Variants in EPHB1 observed in about 807,000 individuals in gnomAD.
The protein encoded by EPHB1 is ephrin type-B receptor 1.
Under a neutral mutation model 94.4 loss-of-function variants are expected in EPHB1, and 30 were observed. The ratio of observed to expected loss-of-function variants is 0.32; its 90% CI spans 0.24 to 0.43. EPHB1 has a LOEUF of 0.43. EPHB1 is among the 20% of genes least tolerant of loss of function. The pLI is 1.00. For synonymous variants in EPHB1, 522 were observed against 489.1 expected (o/e 1.07, Z -0.89); for missense variants, 1,055 against 1,308.3 (o/e 0.81, Z 2.99).
At chr3:135,112,515 A>G (rs997166006) in intron 4 of EPHB1, among the ~76,000 whole-genome samples, 1 of 147,280 alleles carries the variant, frequency 6.8e-6, no homozygotes, top group Non-Finnish European at 1.5e-5. Flanking sequence ...CATTAGGTAT[A>G]TCTCCTAATG....
intron 1 of EPHB1, among the ~76,000 whole-genome samples, chr3:134,913,302 T>G (rs111612319): frequency 6.6e-6 from 1 of 152,178 alleles, no homozygotes; most frequent in Non-Finnish European, 1.5e-5. Flanking sequence ...GGTGCCAGCC[T>G]TTCATGAGAA....
intron 13 of EPHB1, among the ~76,000 whole-genome samples, chr3:135,243,545 C>G (rs1943846086): frequency 6.6e-6 from 1 of 152,140 alleles, no homozygotes; most frequent in African/African-American, 2.4e-5. Context: ...CAGTTTTGCT[C>G]CTCGTGGGAG....
chr3:134,925,091 C>T (rs962883301), intron 1 of EPHB1, among the ~76,000 whole-genome samples: 4 of 152,250 alleles, frequency 2.6e-5, no homozygotes, highest in Admixed American at 6.5e-5. Context: ...TAGGAGCTCA[C>T]AGCAGCATCC....
At chr3:135,004,843 T>A (rs555932262) in intron 3 of EPHB1, among the ~76,000 whole-genome samples, 7 of 152,134 alleles carry the variant, frequency 4.6e-5, no homozygotes, top group Admixed American at 2.6e-4. Flanking sequence ...TATTGGTTAT[T>A]CTAGTTATAT....
At position 135,052,860 on chromosome 3, in the gene EPHB1, C is replaced by CA. The variant is rs1193207059; in HGVS notation, c.806-53557dup. On this transcript the variant is annotated intron_variant, in intron 3 of 15. Transcript: ENST00000398015. Reference sequence around the variant, plus strand: ...TGGGCGACACAGCGAGACTCCGTCTCAAAAAAAAAAAAAAAAAAAAAAAAA... The same window carrying CA: ...TGGGCGACACAGCGAGACTCCGTCTCAAAAAAAAAAAAAAAAAAAAAAAAAA... Among the ~76,000 whole-genome samples, 12 of 12,096 alleles carry CA rather than the reference C, an allele frequency of 9.9e-4. 2 individuals carry two copies. The highest frequency in any genetic ancestry group is 0.014 in the East Asian group (2 of 148). The allele number at this position is 12,096 out of a possible 152,430, so 7.9% of individuals were successfully genotyped here. A position where few individuals can be genotyped will look rare whatever the true frequency, so the allele number is the denominator to read the frequency against.
intron 1 of EPHB1, among the ~76,000 whole-genome samples, chr3:134,857,139 G>C (rs980210287): frequency 4.6e-5 from 7 of 152,342 alleles, no homozygotes; most frequent in African/African-American, 1.7e-4. Context: ...GCCTTGGGGG[G>C]CAGGGAGGTG....
intron 15 of EPHB1, among the ~76,000 whole-genome samples, chr3:135,253,315 A>C (rs1933212382): frequency 6.6e-6 from 1 of 151,180 alleles, no homozygotes; most frequent in Non-Finnish European, 1.5e-5. Flanking sequence ...GGTAATGCCT[A>C]GGTTTTCTTC....
intron 1 of EPHB1, among the ~76,000 whole-genome samples, chr3:134,893,718 G>A (rs1243499463): frequency 2.6e-5 from 4 of 152,196 alleles, no homozygotes; most frequent in Non-Finnish European, 4.4e-5. Context: ...TCAAACCAGG[G>A]CCCCCATTAT....
intron 12 of EPHB1, among the ~76,000 whole-genome samples, chr3:135,220,442 C>CTTCTAAT (rs1000032978): frequency 6.6e-6 from 1 of 152,090 alleles, no homozygotes; most frequent in Non-Finnish European, 1.5e-5. Flanking sequence ...TCCATGTCGA[C>CTTCTAAT]TTCTAATATT....
chr3:134,848,381 G>A (rs2108298674), intron 1 of EPHB1, among the ~76,000 whole-genome samples: 1 of 152,336 alleles, frequency 6.6e-6, no homozygotes, highest in South Asian at 2.1e-4. Flanking sequence ...TATGTTTATA[G>A]TGTTGTTAAT....
intron 3 of EPHB1, among the ~76,000 whole-genome samples, chr3:135,034,178 G>A (rs557156048): frequency 1.2e-4 from 18 of 152,194 alleles, no homozygotes; most frequent in African/African-American, 4.3e-4. Flanking sequence ...AGGCATTTGG[G>A]GACTTTAAAT....
At chr3:135,072,587 T>A (rs977880616) in intron 3 of EPHB1, among the ~76,000 whole-genome samples, 5 of 152,112 alleles carry the variant, frequency 3.3e-5, no homozygotes, top group Admixed American at 1.3e-4. Context: ...ACCACCAGCC[T>A]CACTCCTGCC....
At chr3:134,824,125 C>CTTT (rs373504139) in intron 1 of EPHB1, among the ~76,000 whole-genome samples, 137 of 100,722 alleles carry the variant, frequency 1.4e-3, no homozygotes, top group Non-Finnish European at 1.9e-3. Context: ...GGATAATGCC[C>CTTT]TTTTTTTTTT....
intron 3 of EPHB1, among the ~76,000 whole-genome samples, chr3:135,041,272 A>G (rs78329022): frequency 3.3e-5 from 5 of 152,020 alleles, no homozygotes; most frequent in Non-Finnish European, 7.4e-5. Flanking sequence ...CCTTCCCCCA[A>G]ACCATAATGT....
At chr3:135,182,247 G>T (rs1942175335) in intron 10 of EPHB1, among the ~76,000 whole-genome samples, 1 of 152,156 alleles carries the variant, frequency 6.6e-6, no homozygotes, top group African/African-American at 2.4e-5. Context: ...ATTTGTTAAG[G>T]TAAGATTTAT....
chr3:135,217,382 T>C (rs2107718482), intron 12 of EPHB1, among the ~76,000 whole-genome samples: 1 of 150,968 alleles, frequency 6.6e-6, no homozygotes, highest in East Asian at 2.0e-4. Context: ...AAAAAGACTG[T>C]GAACTTCCCC....
intron 3 of EPHB1, among the ~76,000 whole-genome samples, chr3:134,963,135 C>CTCCG (rs148540241): frequency 3.7e-5 from 5 of 136,966 alleles, no homozygotes; most frequent in Admixed American, 2.3e-4. Flanking sequence ...CCTTCTCTTG[C>CTCCG]TCCTTCCTTC....
At chr3:135,015,035 G>T (rs770855070) in intron 3 of EPHB1, among the ~76,000 whole-genome samples, 3 of 152,240 alleles carry the variant, frequency 2.0e-5, no homozygotes, top group Admixed American at 6.5e-5. Flanking sequence ...GAGAGTGGGG[G>T]TGTGTTAGAA....
chr3:134,994,848 A>G (rs537422308), intron 3 of EPHB1, among the ~76,000 whole-genome samples: 1 of 152,382 alleles, frequency 6.6e-6, no homozygotes, highest in African/African-American at 2.4e-5. Context: ...AAGAAATATT[A>G]AGAAAAACCC....
Sources: gnomAD v4.1 joint callset for allele counts (sites outside exome capture counted in the v4.1 genomes callset) on GRCh38, gnomAD v4.1.1 for gene constraint, MANE v1.5 for transcripts, NCBI Gene and HGNC (gene_info 2026-07-23, HGNC 2026-07-21) for gene names.